Variants in DCC observed in about 807,000 individuals in gnomAD.
The protein encoded by DCC is netrin receptor DCC.
A neutral mutation model predicts 172.5 loss-of-function variants in DCC; 58 were observed. The ratio of observed to expected loss-of-function variants is 0.34; its 90% CI spans 0.27 to 0.42. DCC has a LOEUF of 0.42. DCC is among the 10% of genes least tolerant of loss of function. The pLI, the probability that DCC is intolerant of heterozygous loss-of-function variation, is 1.00. For missense variants in DCC, 1,740 were observed against 1,791.0 expected (o/e 0.97, Z 0.51); for synonymous variants, 709 against 644.5 (o/e 1.10, Z -1.52).
At chr18:53,307,891 GTGTATGTA>G (rs1411572806) in intron 13 of DCC, among the ~76,000 whole-genome samples, 2 of 47,982 alleles carry the variant, frequency 4.2e-5, no homozygotes, top group Admixed American at 3.0e-4. Flanking sequence ...AGCAATGTGT[GTGTATGTA>G]TATATATATA....
intron 2 of DCC, among the ~76,000 whole-genome samples, chr18:52,786,929 G>T (rs2037671531): frequency 6.6e-6 from 1 of 152,004 alleles, no homozygotes; most frequent in Non-Finnish European, 1.5e-5. Flanking sequence ...CATTGCAAAA[G>T]AAAAATGGAT....
At chr18:53,154,521 T>C (rs2054696713) in intron 7 of DCC, among the ~76,000 whole-genome samples, 1 of 152,172 alleles carries the variant, frequency 6.6e-6, no homozygotes, top group Non-Finnish European at 1.5e-5. Context: ...TATAAGCTCA[T>C]TCTGGATGCT....
chr18:52,867,136 T>G (rs1039685391), intron 2 of DCC, among the ~76,000 whole-genome samples: 2 of 152,222 alleles, frequency 1.3e-5, no homozygotes, highest in African/African-American at 4.8e-5. Flanking sequence ...ATTGAGATAA[T>G]CATGTGGTTT....
chr18:53,274,259 A>G (rs1032508800), intron 12 of DCC, among the ~76,000 whole-genome samples: 3 of 152,136 alleles, frequency 2.0e-5, no homozygotes, highest in African/African-American at 7.2e-5. Context: ...CAGAAGAATC[A>G]TGGCATGTTA....
chr18:53,500,966 CTT>C (rs2144460791), intron 27 of DCC, among the ~76,000 whole-genome samples: 1 of 152,192 alleles, frequency 6.6e-6, no homozygotes, highest in Non-Finnish European at 1.5e-5. Flanking sequence ...ACTATGAAGT[CTT>C]TGATAATTGA....
chr18:53,486,852 C>A lies in DCC; in HGVS notation c.3792C>A (p.Ile1264=). 6.2e-7 allele frequency: 1 copy of A among 1,614,140 alleles called. No homozygotes were observed. Among genetic ancestry groups the A allele is most frequent in the Non-Finnish European group, 8.5e-7 (1 of 1,180,040 alleles). Residue 1264 remains isoleucine, a synonymous_variant, in exon 26 of 29, where the codon ATC becomes ATA. Coordinates refer to ENST00000442544, the MANE Select transcript of DCC (RefSeq NM_005215.4). ...PTLESAQYPG[I]LPSPTCGYPH... Reference sequence around the variant, plus strand: ...TAGAAAGTGCCCAGTACCCAGGAATCCTCCCGTCTCCCACCTGTGGATATC... The same window carrying A: ...TAGAAAGTGCCCAGTACCCAGGAATACTCCCGTCTCCCACCTGTGGATATC...
chr18:53,247,087 G>T (rs73957124), intron 12 of DCC, among the ~76,000 whole-genome samples: 6,426 of 152,108 alleles, frequency 0.042, 417 homozygotes, highest in African/African-American at 0.14. Flanking sequence ...CTGAAGTAAA[G>T]GCTACATGGC....
chr18:53,251,531 C>T (rs563608681), intron 12 of DCC, among the ~76,000 whole-genome samples: 1 of 152,030 alleles, frequency 6.6e-6, no homozygotes, highest in African/African-American at 2.4e-5. Context: ...GTAACTCAAA[C>T]CTCAGCTCAA....
chr18:53,028,746 C>T (rs183755865), intron 5 of DCC, among the ~76,000 whole-genome samples: 5 of 152,210 alleles, frequency 3.3e-5, no homozygotes, highest in Non-Finnish European at 1.5e-5. Context: ...TTATGACATG[C>T]AAATATGCCA....
chr18:53,108,674 TGGA>T (rs1475339291), intron 7 of DCC, among the ~76,000 whole-genome samples: 16 of 151,912 alleles, frequency 1.1e-4, no homozygotes, highest in African/African-American at 3.9e-4. Context: ...TATATATGAA[TGGA>T]ATCCCACCAT....
intron 2 of DCC, among the ~76,000 whole-genome samples, chr18:52,873,542 A>T (rs1462112156): frequency 6.6e-6 from 1 of 152,216 alleles, no homozygotes; most frequent in Non-Finnish European, 1.5e-5. Context: ...GTGGGTAGAT[A>T]AACCACAAGA....
chr18:52,991,147 C>T (rs1234808924), intron 5 of DCC, among the ~76,000 whole-genome samples: 3 of 151,838 alleles, frequency 2.0e-5, no homozygotes, highest in South Asian at 4.2e-4. Flanking sequence ...ATCGATGTAT[C>T]AGATCCACAC....
At chr18:52,878,334 G>T (rs1286504872) in intron 2 of DCC, among the ~76,000 whole-genome samples, 1 of 152,068 alleles carries the variant, frequency 6.6e-6, no homozygotes, top group African/African-American at 2.4e-5. Flanking sequence ...TTCTGGCACT[G>T]TCCATAACAC....
chr18:52,980,944 A>ATTTTT (rs35143538), intron 5 of DCC, among the ~76,000 whole-genome samples: 6 of 145,608 alleles, frequency 4.1e-5, no homozygotes, highest in Non-Finnish European at 6.0e-5. Context: ...ACATACTGCT[A>ATTTTT]TTTTTTTTTT....
intron 5 of DCC, among the ~76,000 whole-genome samples, chr18:52,976,130 G>A (rs1284738248): frequency 6.6e-6 from 1 of 151,836 alleles, no homozygotes; most frequent in East Asian, 1.9e-4. Context: ...TTTATCATAT[G>A]ATTGTTGGCT....
chr18:52,796,023 C>A (rs1306382662), intron 2 of DCC, among the ~76,000 whole-genome samples: 1 of 147,836 alleles, frequency 6.8e-6, no homozygotes, highest in Non-Finnish European at 1.5e-5. Context: ...CTTGTCTCTT[C>A]AGTTTTTCAT....
chr18:52,794,863 T>C (rs2037842912), intron 2 of DCC, among the ~76,000 whole-genome samples: 2 of 152,026 alleles, frequency 1.3e-5, no homozygotes, highest in Non-Finnish European at 2.9e-5. Context: ...GAATTTTATC[T>C]TTTTGATGCC....
chr18:52,939,107 C>A (rs1202627585), intron 5 of DCC, among the ~76,000 whole-genome samples: 1 of 152,162 alleles, frequency 6.6e-6, no homozygotes, highest in Non-Finnish European at 1.5e-5. Flanking sequence ...TTGTCTTCAC[C>A]TTTCTAACTT....
At chr18:53,067,405 C>G (rs1033859013) in intron 7 of DCC, among the ~76,000 whole-genome samples, 2 of 151,998 alleles carry the variant, frequency 1.3e-5, no homozygotes, top group Non-Finnish European at 2.9e-5. Context: ...CACCTGTAGT[C>G]CAGCTACTTG....
Sources: gnomAD v4.1 joint callset for allele counts (sites outside exome capture counted in the v4.1 genomes callset) on GRCh38, gnomAD v4.1.1 for gene constraint, MANE v1.5 for transcripts, NCBI Gene and HGNC (gene_info 2026-07-23, HGNC 2026-07-21) for gene names.